The following KIRREL3 variants were observed in gnomAD, a reference collection of about 807,000 sequenced individuals.
KIRREL3 encodes the protein kin of IRRE-like protein 3.
A neutral mutation model predicts 89.7 loss-of-function variants in KIRREL3; 36 were observed. The ratio of observed to expected loss-of-function variants is 0.40; its 90% CI spans 0.31 to 0.53. The LOEUF is 0.53. Ranked by LOEUF, KIRREL3 falls within the 20% of genes least tolerant of loss-of-function variation. The pLI is 0.49. For missense variants in KIRREL3, 864 were observed against 1,056.6 expected, an observed-to-expected ratio of 0.82 and a Z score of 2.53; for synonymous variants, 445 against 441.4, an observed-to-expected ratio of 1.01 and a Z score of -0.10.
In KIRREL3 at chr11:126,563,103, T is replaced by A. The variant is rs73635318; in HGVS notation, c.56-191A>T. ...CAGCAATTCTTCATTTTGATTCTCA[T>A]AACAACCCTGTGAAGGATGTTTCCC... On this transcript the variant is annotated intron_variant, in intron 1 of 16. Transcript: ENST00000525144. This position sits in a 1 kb window ranked among gnomAD's most constrained non-coding sequence, Gnocchi z 6.8. Among the ~76,000 whole-genome samples, 3,972 of 152,326 alleles carry A rather than the reference T, an allele frequency of 0.026. 118 individuals are homozygous for A. The highest frequency in any genetic ancestry group is 0.075 in the African/African-American group (3,119 of 41,568).
intron 1 of KIRREL3, among the ~76,000 whole-genome samples, chr11:126,962,878 G>A (rs118053299): frequency 0.012 from 1,895 of 152,250 alleles, 12 homozygotes; most frequent in Non-Finnish European, 0.022. Context: ...CCAGCAAAGA[G>A]ATTATAACTC....
In KIRREL3 at chr11:126,796,661, C is replaced by CTTTTAT. The variant is rs959179105; in HGVS notation, c.55+203788_55+203793dup. ...ACCCTGCTTTTTATTTATTTTTATT[C>CTTTTAT]TTTTATTTTTATTTTTATTTTATTT... On this transcript the variant is annotated intron_variant, in intron 1 of 16. Transcript: ENST00000525144. The surrounding 1 kb of genome is among the most constrained non-coding windows in gnomAD (Gnocchi z 5.1). 1.1e-4 allele frequency among the ~76,000 whole-genome samples: 16 copies of CTTTTAT among 151,960 alleles called. No individual in the cohort carries two copies. The highest frequency in any genetic ancestry group is 1.9e-4 in the East Asian group (1 of 5,192).
At chr11:126,875,664 G>A (rs375842573) in intron 1 of KIRREL3, among the ~76,000 whole-genome samples, 1 of 152,312 alleles carries the variant, frequency 6.6e-6, no homozygotes, top group African/African-American at 2.4e-5. Flanking sequence ...GGGCTTTCTA[G>A]CAAGCATTCA....
chr11:126,466,034 G>A (rs1268307018), intron 5 of KIRREL3, among the ~76,000 whole-genome samples: 1 of 152,128 alleles, frequency 6.6e-6, no homozygotes, highest in African/African-American at 2.4e-5. Context: ...TCTGCCAGGA[G>A]CCCTTCCAAC....
At position 126,678,023 on chromosome 11, in the gene KIRREL3, A is replaced by G. The variant is rs534251801; in HGVS notation, c.56-115111T>C. ...AATCAGGCCCTGTTACACCCACTGCAGGGAACTTATCATCTCATTATAAAG... is the reference window on the plus strand; with the variant it reads ...AATCAGGCCCTGTTACACCCACTGCGGGGAACTTATCATCTCATTATAAAG... On this transcript the variant is annotated intron_variant, in intron 1 of 16. Transcript: ENST00000525144. Among the ~76,000 whole-genome samples, 12 of 152,310 alleles carry G rather than the reference A, an allele frequency of 7.9e-5. No individual in the cohort carries two copies. The South Asian group carries it at 2.5e-3, about 32-fold the overall frequency.
rs967305215 is a variant in KIRREL3, at chr11:126,900,682, A to G, written c.55+99773T>C. ...CTTTTAAAGTCAAACTTTAAAGTAT[A>G]ATATGCCGTGATCTTGTTAAAATCT... On this transcript the variant is annotated intron_variant, in intron 1 of 16. Coordinates refer to ENST00000525144, the MANE Select transcript of KIRREL3 (RefSeq NM_032531.4). The surrounding 1 kb of genome is among the most constrained non-coding windows in gnomAD (Gnocchi z 4.4). Among the ~76,000 whole-genome samples the G allele has an allele frequency of 3.3e-5, 5 of 152,354 alleles. No individual in the cohort carries two copies. The highest frequency in any genetic ancestry group is 3.3e-4 in the Admixed American group (5 of 15,304).
At position 126,424,682 on chromosome 11, in the gene KIRREL3, C is replaced by G. The variant is rs1954860216; in HGVS notation, c.2235G>C (p.Lys745Asn). The part of the protein sequence containing the change: ...GKQDGYVQFD[K>N]ASKASASSSH... ...AGGAGGAAGCAGAAGCCTTGCTGGC[C>G]TTGTCGAACTGCACATAGCCATCCT... Residue 745 changes from lysine (K) to asparagine (N), a missense_variant, in exon 17 of 17, where the codon AAG (lysine) becomes AAC (asparagine). Physicochemically the swap from Lys to Asn is moderately conservative, Grantham distance 94. Transcript: ENST00000525144. The G allele has an allele frequency of 6.2e-7, 1 of 1,614,036 alleles. No individual in the cohort carries two copies. Among genetic ancestry groups the G allele is most frequent in the Non-Finnish European group, 8.5e-7 (1 of 1,179,888 alleles).
At chr11:126,478,740 T>TGG (rs1957145394) in intron 4 of KIRREL3, among the ~76,000 whole-genome samples, 1 of 152,004 alleles carries the variant, frequency 6.6e-6, no homozygotes, top group Non-Finnish European at 1.5e-5. Context: ...TACATGTGTA[T>TGG]GTAAGTGTGT....
In KIRREL3 at chr11:126,921,963, A is replaced by ATATCTATC. The variant is rs146200311; in HGVS notation, c.55+78484_55+78491dup. 1.1e-3 allele frequency among the ~76,000 whole-genome samples: 161 copies of ATATCTATC among 140,010 alleles called. 2 individuals carry two copies. Among genetic ancestry groups the ATATCTATC allele is most frequent in the Middle Eastern group, 4.5e-3 (1 of 220 alleles). 91.9% of individuals were successfully genotyped at this position (140,010 alleles called of 152,430 possible). A position where few individuals can be genotyped will look rare whatever the true frequency, so the allele number is the denominator to read the frequency against. ...CTGTCTTCCTATCATCTGTATATCTATATCTATCTATCTATCTATCTATCT... is the reference window on the plus strand; with the variant it reads ...CTGTCTTCCTATCATCTGTATATCTATATCTATCTATCTATCTATCTATCTATCTATCT... On this transcript the variant is annotated intron_variant, in intron 1 of 16. Coordinates refer to ENST00000525144, the MANE Select transcript of KIRREL3 (RefSeq NM_032531.4).
At chr11:126,470,378 T>A (rs550215545) in intron 5 of KIRREL3, among the ~76,000 whole-genome samples, 231 of 152,304 alleles carry the variant, frequency 1.5e-3, no homozygotes, top group African/African-American at 5.2e-3. Context: ...AGGGAGAGGC[T>A]TGTCTTCCAA....
At position 126,870,845 on chromosome 11, in the gene KIRREL3, G is replaced by A. The variant is rs1282417257; in HGVS notation, c.55+129610C>T. 1.1e-5 allele frequency among the ~76,000 whole-genome samples: 1 copy of A among 90,026 alleles called. No homozygotes were observed. The highest frequency in any genetic ancestry group is 2.5e-5 in the Non-Finnish European group (1 of 40,298). 59.1% of individuals were successfully genotyped at this position (90,026 alleles called of 152,430 possible). On this transcript the variant is annotated intron_variant, in intron 1 of 16. Transcript: ENST00000525144. This position sits in a 1 kb window ranked among gnomAD's most constrained non-coding sequence, Gnocchi z 4.4. ...CCCTCCCCACTTCCAGTGTAGATCTGGGCCCCTGTACATGTGGCAAGACCT... is the reference window on the plus strand; with the variant it reads ...CCCTCCCCACTTCCAGTGTAGATCTAGGCCCCTGTACATGTGGCAAGACCT...
chr11:126,928,650 T>C (rs1397993735), intron 1 of KIRREL3, among the ~76,000 whole-genome samples: 2 of 152,228 alleles, frequency 1.3e-5, no homozygotes, highest in African/African-American at 2.4e-5. Context: ...AAGGTCTCAG[T>C]TAATGCAAAA....
rs1943841348 is a variant in KIRREL3, at chr11:126,627,521, C to T, written c.56-64609G>A. On this transcript the variant is annotated intron_variant, in intron 1 of 16. Transcript: ENST00000525144. The surrounding 1 kb of genome is among the most constrained non-coding windows in gnomAD (Gnocchi z 5.0). ...TTAATTAAGAATGTCATAGCAGCCTCCCTGGCTCCATGGTGACTGACGCTG... is the reference window on the plus strand; with the variant it reads ...TTAATTAAGAATGTCATAGCAGCCTTCCTGGCTCCATGGTGACTGACGCTG... Among the ~76,000 whole-genome samples, 1 of 152,218 alleles carries T rather than the reference C, an allele frequency of 6.6e-6. No individual in the cohort carries two copies. Among genetic ancestry groups the T allele is most frequent in the Non-Finnish European group, 1.5e-5 (1 of 68,044 alleles).
rs555789347 is a variant in KIRREL3 at position 126,440,088 on chromosome 11, C to T, written c.1353+361G>A. ...GAAAGGGGTTGCCAACTATTACCTG[C>T]GCTCTAAGATTTTGCTAAAGACTGG... On this transcript the variant is annotated intron_variant, in intron 11 of 16. Coordinates refer to ENST00000525144, the MANE Select transcript of KIRREL3 (RefSeq NM_032531.4). 65 of 446,338 alleles carry T rather than the reference C, an allele frequency of 1.5e-4. 1 individual carries two copies. The highest frequency in any genetic ancestry group is 9.4e-4 in the South Asian group (50 of 53,020). The allele number at this position is 446,338 out of a possible 1,614,324, so 27.6% of individuals were successfully genotyped here.
chr11:126,846,983 A>T (rs949417842), intron 1 of KIRREL3, among the ~76,000 whole-genome samples: 4 of 3,984 alleles, frequency 1.0e-3, no homozygotes, highest in African/African-American at 7.5e-3. Context: ...TAGAGTGAAA[A>T]GAAAACCTGC....
chr11:126,483,752 A>C (rs1957281175), intron 4 of KIRREL3, among the ~76,000 whole-genome samples: 1 of 152,178 alleles, frequency 6.6e-6, no homozygotes, highest in Non-Finnish European at 1.5e-5. Flanking sequence ...CCTTTTACAA[A>C]TACACGCTTT....
chr11:126,497,252 G>A (rs898828693), intron 4 of KIRREL3, among the ~76,000 whole-genome samples: 14 of 151,838 alleles, frequency 9.2e-5, no homozygotes, highest in East Asian at 3.9e-4. Context: ...GAGTGTGTGC[G>A]TGACAGTGTG....
chr11:126,646,265 G>T (rs925761796), intron 1 of KIRREL3, among the ~76,000 whole-genome samples: 1 of 151,780 alleles, frequency 6.6e-6, no homozygotes, highest in East Asian at 1.9e-4. Context: ...ACACATCTTT[G>T]TTCTTAGACT....
Position 126,555,137 on chromosome 11 carries a change from G to A in KIRREL3, c.133+7698C>T, listed in dbSNP as rs902232173. ...AAGAAGCTGGGTGCCGAGAGGGCAG[G>A]AGCTTGGACACTGCTGTGGGGCCGC... On this transcript the variant is annotated intron_variant, in intron 2 of 16. Coordinates refer to ENST00000525144, the MANE Select transcript of KIRREL3 (RefSeq NM_032531.4). This position sits in a 1 kb window ranked among gnomAD's most constrained non-coding sequence, Gnocchi z 4.2. Among the ~76,000 whole-genome samples the A allele has an allele frequency of 3.3e-5, 5 of 152,156 alleles. No individual in the cohort carries two copies. Among genetic ancestry groups the A allele is most frequent in the Non-Finnish European group, 5.9e-5 (4 of 68,038 alleles).
Sources: gnomAD v4.1 joint callset for allele counts (sites outside exome capture counted in the v4.1 genomes callset) on GRCh38, gnomAD v4.1.1 for gene constraint, Gnocchi (gnomAD v3.1) non-coding constraint, MANE v1.5 for transcripts, NCBI Gene and HGNC (gene_info 2026-07-23, HGNC 2026-07-21) for gene names.